Variants in WDR25 observed in about 807,000 individuals in gnomAD.
WDR25 encodes WD repeat-containing protein 25.
In WDR25, 35 loss-of-function variants were observed where a neutral mutation model predicts 47.7. That is an observed-to-expected ratio of 0.73 (90% CI 0.56 to 0.97). The LOEUF (loss-of-function observed/expected upper bound fraction) is 0.97, where lower values mean the gene tolerates loss of function less well. Among genes scored for constraint, WDR25 ranks in the 50% least tolerant of loss-of-function variants. WDR25 has a pLI of 0.00. For missense variants in WDR25, 634 were observed against 704.7 expected (o/e 0.90, Z 1.14); for synonymous variants, 248 against 278.9 (o/e 0.89, Z 1.10).
At position 100,430,639 on chromosome 14, in the gene WDR25, G is replaced by A. The variant is rs748708220; in HGVS notation, c.823-37382G>A. On this transcript the variant is annotated intron_variant, in intron 2 of 6. Transcript: ENST00000402312. The surrounding 1 kb of genome is among the most constrained non-coding windows in gnomAD (Gnocchi z 4.7). ...ACTGTGGTCCCTGTTTGCAGATGAG[G>A]ACACTGAGGCACAGTGGGAACCAGC... Among the ~76,000 whole-genome samples the A allele has an allele frequency of 6.6e-6, 1 of 152,292 alleles. No individual in the cohort carries two copies. Among genetic ancestry groups the A allele is most frequent in the African/African-American group, 2.4e-5 (1 of 41,558 alleles).
At chr14:100,434,329 C>A (rs912921035) in intron 2 of WDR25, among the ~76,000 whole-genome samples, 5 of 152,198 alleles carry the variant, frequency 3.3e-5, no homozygotes, top group Non-Finnish European at 7.3e-5. Flanking sequence ...GTCACTCCCC[C>A]CTCCAACAGT....
In WDR25 at chr14:100,502,967, GTA is replaced by G. The variant is rs562927480; in HGVS notation, c.1101+18845_1101+18846del. ...TGTGTGTCTGTGAGTGTGTGTGTCT[GTA>G]TGTGTGTCGGTGCATGTGTGTGTGT... On this transcript the variant is annotated intron_variant, in intron 4 of 6. Coordinates refer to ENST00000402312, the MANE Select transcript of WDR25 (RefSeq NM_001161476.3). The surrounding 1 kb of genome is among the most constrained non-coding windows in gnomAD (Gnocchi z 4.5). Among the ~76,000 whole-genome samples the G allele has an allele frequency of 2.7e-3, 405 of 152,208 alleles. 2 individuals are homozygous for G. Among genetic ancestry groups the G allele is most frequent in the African/African-American group, 9.3e-3 (387 of 41,524 alleles).
At chr14:100,478,930 C>T (rs1411646457) in intron 3 of WDR25, among the ~76,000 whole-genome samples, 1 of 152,168 alleles carries the variant, frequency 6.6e-6, no homozygotes, top group Non-Finnish European at 1.5e-5. Flanking sequence ...ATTTTTTCTC[C>T]AGGCAGAGAG....
In WDR25 at chr14:100,468,266, G is replaced by A. The variant is rs1348644528; in HGVS notation, c.970+98G>A. ...GCAGCCACAAGCTGTATACGCTTGCGTGGCAGAGGGAGAGGGGCCTCAGGG... is the reference window on the plus strand; with the variant it reads ...GCAGCCACAAGCTGTATACGCTTGCATGGCAGAGGGAGAGGGGCCTCAGGG... On this transcript the variant is annotated intron_variant, in intron 3 of 6. Coordinates refer to ENST00000402312, the MANE Select transcript of WDR25 (RefSeq NM_001161476.3). The surrounding 1 kb of genome is among the most constrained non-coding windows in gnomAD (Gnocchi z 4.5). The A allele has an allele frequency of 8.7e-6, 13 of 1,489,552 alleles. No homozygotes were observed. Among genetic ancestry groups the A allele is most frequent in the African/African-American group, 2.8e-5 (2 of 71,808 alleles). 92.3% of individuals were successfully genotyped at this position (1,489,552 alleles called of 1,614,324 possible). A position where few individuals can be genotyped will look rare whatever the true frequency, so the allele number is the denominator to read the frequency against.
At chr14:100,514,349 G>C (rs560989675) in intron 4 of WDR25, among the ~76,000 whole-genome samples, 55 of 152,036 alleles carry the variant, frequency 3.6e-4, no homozygotes, top group African/African-American at 1.3e-3. Context: ...CTCTTCTTTC[G>C]AACTAGGTTA....
At chr14:100,435,665 G>GTTCATTCA (rs10681858) in intron 2 of WDR25, among the ~76,000 whole-genome samples, 24 of 152,052 alleles carry the variant, frequency 1.6e-4, no homozygotes, top group African/African-American at 5.6e-4. Flanking sequence ...TCAATCATTC[G>GTTCATTCA]TTCATTCATT....
chr14:100,427,415 T>C (rs1898200948), intron 2 of WDR25, among the ~76,000 whole-genome samples: 1 of 152,172 alleles, frequency 6.6e-6, no homozygotes, highest in African/African-American at 2.4e-5. Flanking sequence ...CTCACTGCAT[T>C]GTATCCCCAG....
rs1899714749 is a variant in WDR25, at chr14:100,468,337, G to C, written c.970+169G>C. ...GGGCTTCCAGACTGCTTGCCCATTG[G>C]AACTGCGACTCCCCACAGAGGATGG... is the stretch of plus-strand genomic sequence containing the variant. On this transcript the variant is annotated intron_variant, in intron 3 of 6. Transcript: ENST00000402312. The surrounding 1 kb of genome is among the most constrained non-coding windows in gnomAD (Gnocchi z 4.5). Among the ~76,000 whole-genome samples, 2 of 152,130 alleles carry C rather than the reference G, an allele frequency of 1.3e-5. No individual in the cohort carries two copies. The highest frequency in any genetic ancestry group is 1.3e-4 in the Admixed American group (2 of 15,264).
At chr14:100,382,912 G>A (rs1896938557) in intron 2 of WDR25, among the ~76,000 whole-genome samples, 1 of 152,202 alleles carries the variant, frequency 6.6e-6, no homozygotes, top group South Asian at 2.1e-4. Flanking sequence ...TGCTGAAAAA[G>A]TGCCTTGCAC....
At position 100,414,128 on chromosome 14, in the gene WDR25, T is replaced by A. The variant is rs552982682; in HGVS notation, c.822+32382T>A. On this transcript the variant is annotated intron_variant, in intron 2 of 6. Transcript: ENST00000402312. ...CTTCTGCCTCCGCCTCCCTAGTAGC[T>A]GGGACTACAGGCGTGCACCACCACG... 1.9e-4 allele frequency among the ~76,000 whole-genome samples: 29 copies of A among 151,390 alleles called. No individual in the cohort carries two copies. In the South Asian group the frequency reaches 5.4e-3, roughly 28 times the overall value.
Position 100,449,721 on chromosome 14 carries a change from A to G in WDR25, c.823-18300A>G, listed in dbSNP as rs1403401718. ...GCACGTGCATGAAGCAGACAGAGTG[A>G]TTTTAACGCAGCTCCTTGTCCTGGC... On this transcript the variant is annotated intron_variant, in intron 2 of 6. Transcript: ENST00000402312. The surrounding 1 kb of genome is among the most constrained non-coding windows in gnomAD (Gnocchi z 4.2). Among the ~76,000 whole-genome samples, 5 of 152,202 alleles carry G rather than the reference A, an allele frequency of 3.3e-5. No homozygotes were observed. Among genetic ancestry groups the G allele is most frequent in the African/African-American group, 9.6e-5 (4 of 41,458 alleles).
At chr14:100,484,156 A>G (rs997136527) in intron 4 of WDR25, 32 bp downstream of exon 4, 1 of 1,590,786 alleles carries the variant, frequency 6.3e-7, no homozygotes, top group South Asian at 1.2e-5. Flanking sequence ...TGGCCTTTCC[A>G]CAGGAGAGCT....
intron 2 of WDR25, among the ~76,000 whole-genome samples, chr14:100,420,409 A>G (rs1897993995): frequency 6.6e-6 from 1 of 152,074 alleles, no homozygotes; most frequent in Non-Finnish European, 1.5e-5. Context: ...CAGGATAGTC[A>G]TCTTCTATCA....
chr14:100,518,003 C>T (rs61022285), intron 4 of WDR25, among the ~76,000 whole-genome samples: 8 of 152,068 alleles, frequency 5.3e-5, no homozygotes, highest in Admixed American at 2.0e-4. Context: ...AAGAGTCATA[C>T]GTATTTCATA....
chr14:100,407,754 A>G lies in WDR25; in HGVS notation c.822+26008A>G, dbSNP rs1334421081. 6.6e-6 allele frequency: 1 copy of G among 152,166 alleles called. No homozygotes were observed. Among genetic ancestry groups the G allele is most frequent in the East Asian group, 1.9e-4 (1 of 5,198 alleles). The allele number at this position is 152,166 out of a possible 1,614,324, so 9.4% of individuals were successfully genotyped here. A position where few individuals can be genotyped will look rare whatever the true frequency, so the allele number is the denominator to read the frequency against. On this transcript the variant is annotated intron_variant, in intron 2 of 6. Coordinates refer to ENST00000402312, the MANE Select transcript of WDR25 (RefSeq NM_001161476.3). This position sits in a 1 kb window ranked among gnomAD's most constrained non-coding sequence, Gnocchi z 4.1. ...AGTGCCTAAACAGGCCCTGACACCC[A>G]GTTTGGCTAGGTTGAGTCTGGGTGC...
chr14:100,408,271 A>G (rs1198503677), intron 2 of WDR25, among the ~76,000 whole-genome samples: 2 of 151,682 alleles, frequency 1.3e-5, no homozygotes, highest in African/African-American at 4.9e-5. Flanking sequence ...ACTTTAGATT[A>G]CTCTCCCACT....
At chr14:100,420,994 TTC>T (rs1898010369) in intron 2 of WDR25, among the ~76,000 whole-genome samples, 1 of 152,232 alleles carries the variant, frequency 6.6e-6, no homozygotes, top group Non-Finnish European at 1.5e-5. Context: ...GTCTTTTTAT[TTC>T]TGTCTGCTGA....
Position 100,430,463 on chromosome 14 carries a change from A to G in WDR25, c.823-37558A>G, listed in dbSNP as rs7157695. 4.9e-3 allele frequency among the ~76,000 whole-genome samples: 748 copies of G among 152,330 alleles called. 10 individuals are homozygous for G. Among genetic ancestry groups the G allele is most frequent in the African/African-American group, 0.017 (703 of 41,566 alleles). On this transcript the variant is annotated intron_variant, in intron 2 of 6. Transcript: ENST00000402312. The surrounding 1 kb of genome is among the most constrained non-coding windows in gnomAD (Gnocchi z 4.7). ...GAGTAATGAAAGCTGCATGAGAGCA[A>G]GGAGAGTGTTTTATCATCAGCACGT...
chr14:100,390,414 TG>T (rs1383139611), intron 2 of WDR25, among the ~76,000 whole-genome samples: 2 of 151,936 alleles, frequency 1.3e-5, no homozygotes, highest in African/African-American at 4.8e-5. Context: ...TGTGTGTGTG[TG>T]TGTGTGTGTG....
Sources: gnomAD v4.1 joint callset for allele counts (sites outside exome capture counted in the v4.1 genomes callset) on GRCh38, gnomAD v4.1.1 for gene constraint, Gnocchi (gnomAD v3.1) non-coding constraint, MANE v1.5 for transcripts, NCBI Gene and HGNC (gene_info 2026-07-23, HGNC 2026-07-21) for gene names.